The following ITPR1 variants were observed in gnomAD, a reference collection of about 807,000 sequenced individuals.
ITPR1 encodes the protein inositol 1,4,5-trisphosphate-gated calcium channel ITPR1.
ITPR1 carries 96 observed loss-of-function variants against 318.4 expected under a neutral mutation model. The ratio of observed to expected loss-of-function variants is 0.30; its 90% CI spans 0.26 to 0.36. The LOEUF is 0.36. ITPR1 is among the 10% of genes least tolerant of loss of function. ITPR1 has a pLI of 1.00. For synonymous variants in ITPR1, 1,312 were observed against 1,289.9 expected, an observed-to-expected ratio of 1.02 and a Z score of -0.37; for missense variants, 2,440 against 3,460.2, an observed-to-expected ratio of 0.71 and a Z score of 7.40.
At chr3:4,755,506 T>TG (rs2044905369) in intron 44 of ITPR1, among the ~76,000 whole-genome samples, 1 of 152,016 alleles carries the variant, frequency 6.6e-6, no homozygotes, top group Admixed American at 6.6e-5. Flanking sequence ...CCGGAAGTGC[T>TG]GTGATTACAG....
At chr3:4,534,098 T>A (rs142976012) in intron 4 of ITPR1, among the ~76,000 whole-genome samples, 30 of 152,348 alleles carry the variant, frequency 2.0e-4, no homozygotes, top group African/African-American at 7.0e-4. Flanking sequence ...GCAGAAGGAA[T>A]GTCCAGAGGC....
chr3:4,793,335 C>T (rs1374130975), intron 52 of ITPR1, among the ~76,000 whole-genome samples: 1 of 152,222 alleles, frequency 6.6e-6, no homozygotes, highest in African/African-American at 2.4e-5. Flanking sequence ...CACAGACCAT[C>T]ACTGAGCTTT....
At chr3:4,840,608 G>GA (rs1559992660) in intron 61 of ITPR1, among the ~76,000 whole-genome samples, 2 of 152,076 alleles carry the variant, frequency 1.3e-5, no homozygotes, top group Admixed American at 6.6e-5. Flanking sequence ...CAATCTGAGG[G>GA]AAAAAAGTTC....
chr3:4,633,100 G>A (rs2093066808), intron 5 of ITPR1, among the ~76,000 whole-genome samples: 2 of 151,920 alleles, frequency 1.3e-5, no homozygotes, highest in African/African-American at 2.4e-5. Flanking sequence ...CACCACGCCC[G>A]GCTAATTGTT....
chr3:4,590,495 T>G (rs1196060735), intron 4 of ITPR1, among the ~76,000 whole-genome samples: 2 of 150,766 alleles, frequency 1.3e-5, no homozygotes, highest in Admixed American at 1.3e-4. Flanking sequence ...ACGGTCAGTC[T>G]GGTCTTCTCC....
At chr3:4,605,116 C>T (rs775664648) in intron 4 of ITPR1, among the ~76,000 whole-genome samples, 1 of 151,920 alleles carries the variant, frequency 6.6e-6, no homozygotes, top group South Asian at 2.1e-4. Context: ...GGATTAGAGG[C>T]ACACGCCACC....
At chr3:4,548,858 C>T (rs573259406) in intron 4 of ITPR1, among the ~76,000 whole-genome samples, 3 of 152,232 alleles carry the variant, frequency 2.0e-5, no homozygotes, top group Non-Finnish European at 2.9e-5. Flanking sequence ...GCATTAGACA[C>T]TTGTTCCAAT....
chr3:4,846,161 A>G lies in ITPR1; in HGVS notation c.8213A>G (p.Lys2738Arg). 2 of 1,566,152 alleles carry G rather than the reference A, an allele frequency of 1.3e-6. No individual in the cohort carries two copies. The highest frequency in any genetic ancestry group is 1.7e-6 in the Non-Finnish European group (2 of 1,154,484). The change falls in exon 62 of 62, where the codon AAA (lysine) becomes AGA (arginine). Residue 2738 changes from lysine (K) to arginine (R), a missense_variant. By Grantham distance (26) the Lys-to-Arg change is conservative. Transcript: ENST00000649015. ...CAGATGACAGAACAAAGGAAGCAGA[A>G]ACAAAGAATTGGTCTTCTAGGACAT... is the stretch of plus-strand genomic sequence containing the variant. Reference protein sequence around the residue: ...KDQMTEQRKQKQRIGLLGHPP... With the variant: ...KDQMTEQRKQRQRIGLLGHPP...
intron 40 of ITPR1, among the ~76,000 whole-genome samples, chr3:4,718,648 C>CCA (rs1462510997): frequency 1.3e-5 from 2 of 152,156 alleles, no homozygotes; most frequent in East Asian, 3.9e-4. Context: ...TACTGTTCTA[C>CCA]CACAGTCAAT....
chr3:4,744,944 C>A (rs1030994578), intron 44 of ITPR1, among the ~76,000 whole-genome samples: 1 of 98,564 alleles, frequency 1.0e-5, no homozygotes, highest in Non-Finnish European at 2.3e-5. Context: ...TTCCTTCCTT[C>A]CTTCCCTCCC....
chr3:4,826,503 T>C lies in ITPR1; in HGVS notation c.8028+8261T>C, dbSNP rs908440779. Among the ~76,000 whole-genome samples the C allele has an allele frequency of 2.0e-5, 3 of 152,084 alleles. No individual in the cohort carries two copies. In the South Asian group the frequency reaches 6.2e-4, roughly 32 times the overall value. On this transcript the variant is annotated intron_variant, in intron 60 of 61. Transcript: ENST00000649015. This position sits in a 1 kb window ranked among gnomAD's most constrained non-coding sequence, Gnocchi z 4.2. ...GAGGGATTTGGCACTGGCTTCCCGG[T>C]GGCTGGAAACAGTGTGTCAGCGTCA...
Position 4,775,409 on chromosome 3 carries a change from C to T in ITPR1, c.6147C>T (p.Thr2049=), listed in dbSNP as rs144178989. Reference sequence around the variant, plus strand: ...TCAACCAAACCCTGGAAAGTCTGACCGAATACTGTCAAGGACCTTGCCATG... The same window carrying T: ...TCAACCAAACCCTGGAAAGTCTGACTGAATACTGTCAAGGACCTTGCCATG... ...ALINQTLESL[T]EYCQGPCHEN... Residue 2049 remains threonine, a synonymous_variant, in exon 47 of 62, where the codon ACC becomes ACT. Coordinates refer to ENST00000649015, the MANE Select transcript of ITPR1 (RefSeq NM_001378452.1). The T allele has an allele frequency of 6.5e-5, 105 of 1,613,678 alleles. No homozygotes were observed. In the African/African-American group the frequency reaches 7.7e-4, roughly 12 times the overall value.
At chr3:4,606,116 A>G (rs1288797327) in intron 4 of ITPR1, among the ~76,000 whole-genome samples, 2 of 152,152 alleles carry the variant, frequency 1.3e-5, no homozygotes, top group Admixed American at 6.5e-5. Context: ...ACAGTGGAAG[A>G]CAAATATGTT....
chr3:4,822,756 C>G (rs1479751181), intron 60 of ITPR1, among the ~76,000 whole-genome samples: 1 of 152,182 alleles, frequency 6.6e-6, no homozygotes, highest in Non-Finnish European at 1.5e-5. Flanking sequence ...GAGCCCTCCT[C>G]CACTGTAACT....
chr3:4,752,298 G>A (rs1866998), intron 44 of ITPR1, among the ~76,000 whole-genome samples: 1 of 152,100 alleles, frequency 6.6e-6, no homozygotes, highest in Admixed American at 6.5e-5. Context: ...GAGGGAGCCA[G>A]GTTTGGAGAC....
At chr3:4,658,300 T>A in intron 13 of ITPR1, 22 bp downstream of exon 13, 1 of 1,591,732 alleles carries the variant, frequency 6.3e-7, no homozygotes, top group Non-Finnish European at 8.6e-7. Context: ...AAATTGCTTT[T>A]CCCCAAAGAA....
rs1057177736 is a variant in ITPR1 at position 4,581,471 on chromosome 3, C to T, written c.164-46292C>T. Among the ~76,000 whole-genome samples the T allele has an allele frequency of 9.2e-5, 14 of 152,164 alleles. No individual in the cohort carries two copies. The South Asian group carries it at 1.0e-3, about 11-fold the overall frequency. Reference sequence around the variant, plus strand: ...TTTAGGTGGGTTGCCATATTCTCCACGAGCCTCTTTTAGGAATATTTGGGA... The same window carrying T: ...TTTAGGTGGGTTGCCATATTCTCCATGAGCCTCTTTTAGGAATATTTGGGA... On this transcript the variant is annotated intron_variant, in intron 4 of 61. Transcript: ENST00000649015.
chr3:4,622,323 C>T (rs1167621740), intron 4 of ITPR1, among the ~76,000 whole-genome samples: 1 of 149,714 alleles, frequency 6.7e-6, no homozygotes, highest in African/African-American at 2.5e-5. Flanking sequence ...CCATGTTGGC[C>T]AGGATGGTCT....
In ITPR1 at chr3:4,657,386, G is replaced by GTTT. The variant is rs112693174; in HGVS notation, c.997-730_997-728dup. ...GCTCCTGCGGATGGATGTACCTAGAGTTTTTTTTTTGTTTTTTTTTTTTAA... is the reference window on the plus strand; with the variant it reads ...GCTCCTGCGGATGGATGTACCTAGAGTTTTTTTTTTTTTGTTTTTTTTTTTTAA... On this transcript the variant is annotated intron_variant, in intron 12 of 61. Coordinates refer to ENST00000649015, the MANE Select transcript of ITPR1 (RefSeq NM_001378452.1). Among the ~76,000 whole-genome samples the GTTT allele has an allele frequency of 6.5e-3, 863 of 133,098 alleles. 26 individuals carry two copies. The highest frequency in any genetic ancestry group is 0.024 in the African/African-American group (797 of 32,676). The allele number at this position is 133,098 out of a possible 152,430, so 87.3% of individuals were successfully genotyped here.
Sources: gnomAD v4.1 joint callset for allele counts (sites outside exome capture counted in the v4.1 genomes callset) on GRCh38, gnomAD v4.1.1 for gene constraint, Gnocchi (gnomAD v3.1) non-coding constraint, MANE v1.5 for transcripts, NCBI Gene and HGNC (gene_info 2026-07-23, HGNC 2026-07-21) for gene names.